TMEM117: variants seen among roughly 807,000 people sequenced by gnomAD.
TMEM117 encodes transmembrane protein 117.
In TMEM117, 27 loss-of-function variants were observed where a neutral mutation model predicts 52.4. That is an observed-to-expected ratio of 0.51 (90% CI 0.38 to 0.71). The LOEUF (loss-of-function observed/expected upper bound fraction) is 0.71, where lower values mean the gene tolerates loss of function less well. Ranked by LOEUF, TMEM117 falls within the 30% of genes least tolerant of loss-of-function variation. The pLI, the probability that TMEM117 is intolerant of heterozygous loss-of-function variation, is 0.00. For missense variants in TMEM117, 556 were observed against 630.5 expected, an observed-to-expected ratio of 0.88 and a Z score of 1.26; for synonymous variants, 215 against 206.3, an observed-to-expected ratio of 1.04 and a Z score of -0.36.
intron 6 of TMEM117, among the ~76,000 whole-genome samples, chr12:44,325,838 A>C (rs1951187673): frequency 6.6e-6 from 1 of 152,258 alleles, no homozygotes; most frequent in African/African-American, 2.4e-5. Context: ...ATTTTATATA[A>C]AACATATAAA....
chr12:44,225,600 T>C (rs1949850206), intron 5 of TMEM117, among the ~76,000 whole-genome samples: 1 of 152,230 alleles, frequency 6.6e-6, no homozygotes. Context: ...ATTTTTCCCA[T>C]TAAACAATTT....
At chr12:44,216,047 A>G (rs1949714202) in intron 5 of TMEM117, among the ~76,000 whole-genome samples, 1 of 121,630 alleles carries the variant, frequency 8.2e-6, no homozygotes, top group African/African-American at 3.4e-5. Context: ...TTGCTCTGTC[A>G]CCCAGGCTGG....
At chr12:43,906,753 G>A (rs573636938) in intron 2 of TMEM117, among the ~76,000 whole-genome samples, 2 of 152,304 alleles carry the variant, frequency 1.3e-5, no homozygotes, top group South Asian at 2.1e-4. Context: ...CTGGAAAATC[G>A]GGTCACTCCC....
chr12:44,363,225 T>C (rs1456903782), intron 6 of TMEM117, among the ~76,000 whole-genome samples: 4 of 152,136 alleles, frequency 2.6e-5, no homozygotes, highest in East Asian at 3.9e-4. Flanking sequence ...GTGTCTCCAA[T>C]TGCAAAATGA....
At chr12:43,826,797 C>A in the TMEM117 span, among the ~76,000 whole-genome samples, 1 of 152,086 alleles carries the variant, frequency 6.6e-6, no homozygotes, top group Non-Finnish European at 1.5e-5. Context: ...TGCTGGAATG[C>A]AAGCCTCATT....
intron 3 of TMEM117, among the ~76,000 whole-genome samples, chr12:44,028,141 C>T (rs768099001): frequency 3.3e-5 from 5 of 152,166 alleles, no homozygotes; most frequent in African/African-American, 4.8e-5. Context: ...TGCAGTGAGC[C>T]GAGATCGCAC....
intron 4 of TMEM117, among the ~76,000 whole-genome samples, chr12:44,166,671 T>A (rs1033319831): frequency 6.6e-6 from 1 of 152,210 alleles, no homozygotes; most frequent in Non-Finnish European, 1.5e-5. Context: ...CTACAAGCCT[T>A]GCAGGAAAAT....
intron 5 of TMEM117, among the ~76,000 whole-genome samples, chr12:44,292,244 A>G (rs1950714129): frequency 6.6e-6 from 1 of 151,922 alleles, no homozygotes; most frequent in South Asian, 2.1e-4. Flanking sequence ...ATTTGTTGGA[A>G]TATTATTATT....
intron 4 of TMEM117, among the ~76,000 whole-genome samples, chr12:44,150,205 A>C (rs928680313): frequency 6.6e-6 from 1 of 152,174 alleles, no homozygotes; most frequent in East Asian, 1.9e-4. Context: ...TTCTATAAAG[A>C]TTTCGTGTTA....
rs775679462 is a variant in TMEM117, at chr12:44,331,852, G to T, written c.768+32113G>T. 1.0e-3 allele frequency among the ~76,000 whole-genome samples: 158 copies of T among 152,096 alleles called. 1 individual carries two copies. Among genetic ancestry groups the T allele is most frequent in the Non-Finnish European group, 5.9e-4 (40 of 67,958 alleles). ...AGTACCCCAAGCACCCAATTTCACA[G>T]CAGTACTTTGTGACACTTGCTAATT... On this transcript the variant is annotated intron_variant, in intron 6 of 7. Transcript: ENST00000266534.
chr12:44,252,796 G>A (rs1437654586), intron 5 of TMEM117, among the ~76,000 whole-genome samples: 3 of 152,150 alleles, frequency 2.0e-5, no homozygotes, highest in Non-Finnish European at 4.4e-5. Flanking sequence ...AGTATCTAGC[G>A]GGATATTTTT....
At chr12:44,394,370 G>A (rs1268277585), downstream of TMEM117, among the ~76,000 whole-genome samples, 1 of 152,190 alleles carries the variant, frequency 6.6e-6, no homozygotes, top group Non-Finnish European at 1.5e-5. Context: ...CTAGTGCCCA[G>A]CTTTCAACAG....
chr12:43,984,589 T>C (rs1158367814), intron 3 of TMEM117, among the ~76,000 whole-genome samples: 4 of 152,172 alleles, frequency 2.6e-5, no homozygotes, highest in African/African-American at 9.7e-5. Flanking sequence ...TAGGGAGAGA[T>C]TTGAATTCTG....
intron 2 of TMEM117, among the ~76,000 whole-genome samples, chr12:43,881,515 C>T (rs185241832): frequency 9.2e-5 from 14 of 152,208 alleles, no homozygotes; most frequent in African/African-American, 1.7e-4. Flanking sequence ...TAAGTCCGGG[C>T]GTGGAAGCTC....
At chr12:44,010,785 A>C (rs148529496) in intron 3 of TMEM117, among the ~76,000 whole-genome samples, 75 of 152,254 alleles carry the variant, frequency 4.9e-4, no homozygotes, top group Non-Finnish European at 8.7e-4. Flanking sequence ...AGATACTCCT[A>C]ATTCCTCCCT....
chr12:44,000,325 T>G (rs2137775661), intron 3 of TMEM117, among the ~76,000 whole-genome samples: 1 of 152,298 alleles, frequency 6.6e-6, no homozygotes, highest in Admixed American at 6.5e-5. Context: ...AATAGATTCC[T>G]TTAGAATTCT....
At position 44,082,326 on chromosome 12, in the gene TMEM117, A is replaced by G. The variant is rs1592500662; in HGVS notation, c.411-61199A>G. Among the ~76,000 whole-genome samples, 10 of 152,100 alleles carry G rather than the reference A, an allele frequency of 6.6e-5. No homozygotes were observed. In the South Asian group the frequency reaches 1.9e-3, roughly 28 times the overall value. ...GAATGTATGAAACTTAATTGATACTACTGAGTATTTTAACTGACTTCTAAT... is the reference window on the plus strand; with the variant it reads ...GAATGTATGAAACTTAATTGATACTGCTGAGTATTTTAACTGACTTCTAAT... On this transcript the variant is annotated intron_variant, in intron 3 of 7. Coordinates refer to ENST00000266534, the MANE Select transcript of TMEM117 (RefSeq NM_032256.3).
intron 6 of TMEM117, among the ~76,000 whole-genome samples, chr12:44,319,735 T>C (rs548050968): frequency 3.9e-5 from 6 of 152,362 alleles, no homozygotes; most frequent in African/African-American, 1.2e-4. Flanking sequence ...ATCTGGTGGC[T>C]GCATTCACTT....
At chr12:44,147,234 A>G (rs1248941675) in intron 4 of TMEM117, among the ~76,000 whole-genome samples, 4 of 152,196 alleles carry the variant, frequency 2.6e-5, no homozygotes, top group Non-Finnish European at 1.5e-5. Context: ...GAAGCTGTAA[A>G]TAAAACAACA....
Sources: allele counts gnomAD v4.1 joint callset (sites outside exome capture counted in the v4.1 genomes callset), GRCh38; gene constraint gnomAD v4.1.1; transcripts MANE v1.5; gene names NCBI Gene and HGNC (gene_info 2026-07-23, HGNC 2026-07-21).